Variants in SCAF11 observed in about 807,000 individuals in gnomAD.
SCAF11 encodes SR-related CTD associated factor 11.
Under a neutral mutation model 140.5 loss-of-function variants are expected in SCAF11, and 47 were observed. That is an observed-to-expected ratio of 0.33 (90% CI 0.26 to 0.43). The LOEUF (loss-of-function observed/expected upper bound fraction) is 0.43, where lower values mean the gene tolerates loss of function less well. Ranked by LOEUF, SCAF11 falls within the 20% of genes least tolerant of loss-of-function variation. The pLI is 1.00. For synonymous variants in SCAF11, 557 were observed against 579.4 expected, an observed-to-expected ratio of 0.96 and a Z score of 0.55; for missense variants, 1,645 against 1,705.1, an observed-to-expected ratio of 0.96 and a Z score of 0.62.
At chr12:45,925,139 A>G (rs997658592) in intron 11 of SCAF11, 65 bp from the exon 12 acceptor site, 1 of 1,263,524 alleles carries the variant, frequency 7.9e-7, no homozygotes, top group Non-Finnish European at 1.1e-6. Flanking sequence ...AGAGAAACAA[A>G]GAACCACTGG....
At chr12:45,948,350 C>A (rs560846698) in intron 5 of SCAF11, 87 bp downstream of exon 5, 1 of 807,222 alleles carries the variant, frequency 1.2e-6, no homozygotes. Flanking sequence ...TACATTTAAA[C>A]CCCACTTCAT....
At chr12:45,979,584 A>C (rs944499342) in intron 1 of SCAF11, among the ~76,000 whole-genome samples, 4 of 152,196 alleles carry the variant, frequency 2.6e-5, no homozygotes, top group African/African-American at 9.7e-5. Context: ...CTAATCCCTT[A>C]CAAATTGGTA....
chr12:45,987,532 A>G (rs1160304400), intron 1 of SCAF11, among the ~76,000 whole-genome samples: 1 of 152,260 alleles, frequency 6.6e-6, no homozygotes, highest in South Asian at 2.1e-4. Context: ...AGATTACACA[A>G]TATGTTGCAA....
intron 6 of SCAF11, among the ~76,000 whole-genome samples, chr12:45,941,341 C>A (rs6582578): frequency 1.3e-5 from 2 of 152,106 alleles, no homozygotes; most frequent in Non-Finnish European, 2.9e-5. Context: ...TTCTGATATA[C>A]GTACACATTG....
Position 45,924,758 on chromosome 12 carries a change from A to T in SCAF11, c.3876T>A (p.Ile1292=), listed in dbSNP as rs1378271001. ...PPPPSQQVNY[I]ASQPDGKQLQ... is the part of the protein sequence containing the mutation. ...ATTGCTTTCCATCTGGTTGTGAAGC[A>T]ATGTAGTTGACTTGTTGGGATGGTG... Residue 1292 remains isoleucine (I), a synonymous_variant, in exon 12 of 15, where the codon ATT becomes ATA. Transcript: ENST00000369367. 6.3e-6 allele frequency: 10 copies of T among 1,577,488 alleles called. No individual in the cohort carries two copies. The highest frequency in any genetic ancestry group is 7.8e-6 in the Non-Finnish European group (9 of 1,149,048).
chr12:45,965,405 G>T (rs1057433606), intron 1 of SCAF11, among the ~76,000 whole-genome samples: 1 of 152,252 alleles, frequency 6.6e-6, no homozygotes, highest in South Asian at 2.1e-4. Flanking sequence ...CTTATAAAAA[G>T]GTAAAAATGA....
intron 1 of SCAF11, among the ~76,000 whole-genome samples, chr12:45,967,290 T>A (rs1044405001): frequency 6.6e-6 from 1 of 151,884 alleles, no homozygotes; most frequent in Non-Finnish European, 1.5e-5. Flanking sequence ...ACCCATATAG[T>A]GAAATATACA....
chr12:45,991,529 T>C (rs1946610479), upstream of SCAF11, among the ~76,000 whole-genome samples: 1 of 152,118 alleles, frequency 6.6e-6, no homozygotes, highest in Admixed American at 6.5e-5. Flanking sequence ...TCCACTGCAC[T>C]CCAGCCTGGG....
At chr12:45,974,232 G>A (rs538288740) in intron 1 of SCAF11, 1 of 470,730 alleles carries the variant, frequency 2.1e-6, no homozygotes, top group South Asian at 1.5e-5. Flanking sequence ...CAAGGCTTCA[G>A]CAAGTCATAA....
chr12:45,928,790 G>A lies in SCAF11; in HGVS notation c.911C>T (p.Thr304Ile), dbSNP rs751470158. Residue 304 changes from threonine (T) to isoleucine (I), a missense_variant, in exon 11 of 15, where the codon ACA becomes ATA. Thr to Ile is a moderately conservative substitution (Grantham distance 89). Coordinates refer to ENST00000369367, the MANE Select transcript of SCAF11 (RefSeq NM_004719.3). ...TCGTCTTGATCCTCTGGTATTTGAT[G>A]TACCAGAAGTTTGCTTCTTTTCTTC... ...EGEEKKQTSG[T>I]SNTRGSRRKP... 10 of 1,612,772 alleles carry A rather than the reference G, an allele frequency of 6.2e-6. No homozygotes were observed. Among genetic ancestry groups the A allele is most frequent in the Non-Finnish European group, 8.5e-6 (10 of 1,179,904 alleles).
chr12:45,986,497 C>G (rs1014840015), intron 1 of SCAF11, among the ~76,000 whole-genome samples: 5 of 152,212 alleles, frequency 3.3e-5, no homozygotes, highest in African/African-American at 1.2e-4. Flanking sequence ...TCTCCCAGAT[C>G]TCTTGCTGCC....
At chr12:45,983,742 A>AACACAC (rs55655357) in intron 1 of SCAF11, among the ~76,000 whole-genome samples, 36,434 of 133,698 alleles carry the variant, frequency 0.27, 5,641 homozygotes, top group East Asian at 0.48. Context: ...CTAAACCTAA[A>AACACAC]ACACACACAC....
chr12:45,929,401 G>C (rs139276666), intron 10 of SCAF11: 1 of 152,342 alleles, frequency 6.6e-6, no homozygotes, highest in East Asian at 1.9e-4. Context: ...CAAGTGATCT[G>C]CCTGCCTCGG....
At chr12:45,969,385 GCTC>G in intron 1 of SCAF11, among the ~76,000 whole-genome samples, 1 of 152,026 alleles carries the variant, frequency 6.6e-6, no homozygotes, top group South Asian at 2.1e-4. Flanking sequence ...ACAAAACAGA[GCTC>G]CTTTCCCTTC....
rs1944934028 is a variant in SCAF11 at position 45,928,001 on chromosome 12, G to C, written c.1700C>G (p.Pro567Arg). 6.2e-7 allele frequency: 1 copy of C among 1,613,002 alleles called. No homozygotes were observed. The highest frequency in any genetic ancestry group is 1.7e-5 in the Admixed American group (1 of 60,020). Reference protein sequence around the residue: ...ESKVYQPVSCPLSDLSENVES... With the variant: ...ESKVYQPVSCRLSDLSENVES... Reference sequence around the variant, plus strand: ...TACATTCTCAGATAAGTCACTTAGGGGACAAGATACAGGTTGGTACACTTT... The same window carrying C: ...TACATTCTCAGATAAGTCACTTAGGCGACAAGATACAGGTTGGTACACTTT... Residue 567 changes from proline (P) to arginine (R), a missense_variant, in exon 11 of 15, where the codon CCC becomes CGC. Around this residue, in one of 2 missense-constraint regions of SCAF11, gnomAD observed 1,582 missense variants for 1,609.2 expected, o/e 0.98. Coordinates refer to ENST00000369367, the MANE Select transcript of SCAF11 (RefSeq NM_004719.3).
At position 45,924,734 on chromosome 12, in the gene SCAF11, T is replaced by C. The variant is rs148978788; in HGVS notation, c.3900A>G (p.Gln1300=). ...TGAGTTGCTAAAAACATACCTGCAATTGCTTTCCATCTGGTTGTGAAGCAA... is the reference window on the plus strand; with the variant it reads ...TGAGTTGCTAAAAACATACCTGCAACTGCTTTCCATCTGGTTGTGAAGCAA... The part of the protein sequence containing the change: ...NYIASQPDGK[Q]LQGIPSSSHV... Residue 1300 remains glutamine (Q), a synonymous_variant, in exon 12 of 15, where the codon CAA becomes CAG. Transcript: ENST00000369367. 5.8e-5 allele frequency: 93 copies of C among 1,603,622 alleles called. No individual in the cohort carries two copies. The highest frequency in any genetic ancestry group is 7.2e-5 in the Non-Finnish European group (84 of 1,171,610).
intron 1 of SCAF11, among the ~76,000 whole-genome samples, chr12:45,985,303 T>C (rs755575410): frequency 1.3e-5 from 2 of 152,212 alleles, no homozygotes; most frequent in Admixed American, 1.3e-4. Flanking sequence ...CCCCTGCATG[T>C]GGCCAGTTTC....
chr12:45,924,568 G>A (rs1944800992), intron 12 of SCAF11, among the ~76,000 whole-genome samples, 160 bp downstream of exon 12: 1 of 152,190 alleles, frequency 6.6e-6, no homozygotes. Flanking sequence ...GGGGGGTTTT[G>A]AGAAGGATAG....
chr12:45,950,867 ACCT>A (rs1565675622), intron 4 of SCAF11, among the ~76,000 whole-genome samples: 2 of 152,272 alleles, frequency 1.3e-5, no homozygotes, highest in East Asian at 1.9e-4. Context: ...TAACAGTGCT[ACCT>A]AAAAACGGTT....
Sources: allele counts gnomAD v4.1 joint callset (sites outside exome capture counted in the v4.1 genomes callset), GRCh38; gene constraint gnomAD v4.1.1; regional missense constraint gnomAD v4.1.1; transcripts MANE v1.5; gene names NCBI Gene and HGNC (gene_info 2026-07-23, HGNC 2026-07-21).